The following PRPF4 variants were observed in gnomAD, a reference collection of about 807,000 sequenced individuals.
PRPF4 encodes the protein pre-mRNA splicing tri-snRNP complex factor PRPF4, also known as U4/U6 small nuclear ribonucleoprotein Prp4.
In PRPF4, 14 loss-of-function variants were observed where a neutral mutation model predicts 72.2. The observed-to-expected ratio is 0.19, with a 90% CI of 0.13 to 0.30. PRPF4 has a LOEUF of 0.30. Among genes scored for constraint, PRPF4 ranks in the 10% least tolerant of loss-of-function variants. PRPF4 has a pLI of 1.00. For synonymous variants in PRPF4, 225 were observed against 232.2 expected (o/e 0.97, Z 0.28); for missense variants, 478 against 653.9 (o/e 0.73, Z 2.93).
chr9:113,277,161 C>G (rs1014754314), intron 2 of PRPF4, among the ~76,000 whole-genome samples: 6 of 151,966 alleles, frequency 3.9e-5, no homozygotes, highest in African/African-American at 1.5e-4. Context: ...TTTGCCTACC[C>G]CCTTATTATC....
intron 13 of PRPF4, 131 bp from the exon 14 acceptor site, chr9:113,291,336 G>A: frequency 1.1e-6 from 1 of 908,842 alleles, no homozygotes; most frequent in Non-Finnish European, 1.6e-6. Flanking sequence ...AGACCTTACT[G>A]TTATTTGTTC....
chr9:113,276,784 C>T, intron 2 of PRPF4, 59 bp downstream of exon 2: 1 of 1,496,334 alleles, frequency 6.7e-7, no homozygotes, highest in Non-Finnish European at 9.0e-7. Flanking sequence ...CCTTTCTAAA[C>T]TTAAATACCA....
rs954719024 is a variant in PRPF4, at chr9:113,275,748, C to T, written c.5C>T (p.Ala2Val). MASSRASSTATK... is the reference protein window; with the variant it reads MVSSRASSTATK... ...CTCGCGGCTCCAGAGCCCAGCATGGCTTCCTCGCGAGCCTCTTCCACGGTA... is the reference window on the plus strand; with the variant it reads ...CTCGCGGCTCCAGAGCCCAGCATGGTTTCCTCGCGAGCCTCTTCCACGGTA... Residue 2 changes from alanine to valine, a missense_variant, in exon 1 of 14, where the codon GCT becomes GTT. Physicochemically the swap from Ala to Val is moderately conservative, Grantham distance 64. Transcript: ENST00000374198. 6.2e-7 allele frequency: 1 copy of T among 1,612,294 alleles called. No individual in the cohort carries two copies.
In PRPF4 at chr9:113,290,462, T is replaced by A; in HGVS notation, c.1023-4T>A. The stretch of plus-strand genomic sequence containing the variant: ...GGTTGATTGTTAGTGTGATTTGGTT[T>A]TAGCTATGACCGTTCATGGCGCTTA... On this transcript the variant is annotated splice_region_variant and splice_polypyrimidine_tract_variant and intron_variant, in intron 10 of 13. Transcript: ENST00000374198. The A allele has an allele frequency of 6.2e-7, 1 of 1,614,168 alleles. No individual in the cohort carries two copies. The highest frequency in any genetic ancestry group is 1.1e-5 in the South Asian group (1 of 91,076).
At chr9:113,281,826 G>A (rs922178038) in intron 3 of PRPF4, among the ~76,000 whole-genome samples, 13 of 151,994 alleles carry the variant, frequency 8.6e-5, no homozygotes, top group African/African-American at 1.7e-4. Flanking sequence ...TTAGATGCCC[G>A]TTACAAAGTC....
intron 2 of PRPF4, among the ~76,000 whole-genome samples, chr9:113,278,022 T>G (rs1326854210): frequency 6.6e-6 from 1 of 152,170 alleles, no homozygotes; most frequent in African/African-American, 2.4e-5. Flanking sequence ...AATGTATAAA[T>G]GTGTGAAGTA....
intron 10 of PRPF4, 80 bp from the exon 11 acceptor site, chr9:113,290,386 A>G (rs771361312): frequency 1.5e-4 from 235 of 1,587,296 alleles, no homozygotes; most frequent in African/African-American, 5.1e-4. Context: ...AACTTAAGCT[A>G]TAATGGCTTA....
chr9:113,285,929 AT>A (rs1278854116), intron 7 of PRPF4, among the ~76,000 whole-genome samples: 1 of 152,158 alleles, frequency 6.6e-6, no homozygotes, highest in Non-Finnish European at 1.5e-5. Context: ...CAGTATCACT[AT>A]TAATATTCGT....
chr9:113,283,545 A>T (rs1394803609), intron 6 of PRPF4, 63 bp downstream of exon 6: 88 of 1,562,626 alleles, frequency 5.6e-5, no homozygotes, highest in Non-Finnish European at 7.2e-5. Context: ...TGATTTTTCT[A>T]CTTTGGCTCA....
At chr9:113,282,386 C>T (rs1380628074) in intron 3 of PRPF4, among the ~76,000 whole-genome samples, 1 of 151,874 alleles carries the variant, frequency 6.6e-6, no homozygotes, top group African/African-American at 2.4e-5. Context: ...GTGGGAGGAT[C>T]GCTTGAGCTC....
intron 4 of PRPF4, 173 bp downstream of exon 4, chr9:113,282,906 A>G (rs1324068157): frequency 1.6e-5 from 16 of 1,008,400 alleles, no homozygotes; most frequent in Admixed American, 1.4e-4. Flanking sequence ...GTAAGTATGA[A>G]TGGAGCTAAG....
rs915994329 is a variant in PRPF4, at chr9:113,277,267, G to T, written c.205+542G>T. On this transcript the variant is annotated intron_variant, in intron 2 of 13. Transcript: ENST00000374198. ...TTCAGTGTACATTTGGATTCAGATT[G>T]ATTCCATTTGTCTTCTGGAGATCTA... 5.9e-5 allele frequency among the ~76,000 whole-genome samples: 9 copies of T among 152,140 alleles called. 1 individual carries two copies. Among genetic ancestry groups the T allele is most frequent in the African/African-American group, 1.9e-4 (8 of 41,402 alleles).
chr9:113,282,787 GTC>G, intron 4 of PRPF4, 54 bp downstream of exon 4: 1 of 1,390,638 alleles, frequency 7.2e-7, no homozygotes, highest in Non-Finnish European at 1.0e-6. Flanking sequence ...GAGGGGATAG[GTC>G]TCTCGTTTTC....
intron 7 of PRPF4, among the ~76,000 whole-genome samples, chr9:113,285,418 G>T (rs1007118947): frequency 2.4e-5 from 3 of 122,558 alleles, no homozygotes; most frequent in African/African-American, 9.2e-5. Context: ...TCACACTTTC[G>T]GCCAGGCTGG....
At chr9:113,276,822 T>G in intron 2 of PRPF4, 97 bp downstream of exon 2, 1 of 731,646 alleles carries the variant, frequency 1.4e-6, no homozygotes, top group Non-Finnish European at 1.9e-6. Context: ...AAAATTACAA[T>G]TTTTTTTTTT....
chr9:113,290,385 T>C, intron 10 of PRPF4, 81 bp from the exon 11 acceptor site: 2 of 1,581,904 alleles, frequency 1.3e-6, no homozygotes, highest in South Asian at 1.1e-5. Flanking sequence ...TAACTTAAGC[T>C]ATAATGGCTT....
At chr9:113,283,578 T>A in intron 6 of PRPF4, 96 bp downstream of exon 6, 3 of 1,216,942 alleles carry the variant, frequency 2.5e-6, no homozygotes, top group Non-Finnish European at 3.5e-6. Flanking sequence ...TAGAGGCAAC[T>A]AGAGTGATTC....
At chr9:113,285,949 ATAGTT>A (rs1464623557) in intron 7 of PRPF4, among the ~76,000 whole-genome samples, 8 of 152,142 alleles carry the variant, frequency 5.3e-5, no homozygotes, top group Non-Finnish European at 1.0e-4. Context: ...GTATTATTGG[ATAGTT>A]TAATTTGCCC....
chr9:113,285,431 T>G (rs1832410669), intron 7 of PRPF4, among the ~76,000 whole-genome samples: 1 of 128,492 alleles, frequency 7.8e-6, no homozygotes, highest in African/African-American at 2.9e-5. Context: ...CAGGCTGGAG[T>G]GCAGTGGCGC....
Sources: allele counts gnomAD v4.1 joint callset (sites outside exome capture counted in the v4.1 genomes callset), GRCh38; gene constraint gnomAD v4.1.1; transcripts MANE v1.5; gene names NCBI Gene and HGNC (gene_info 2026-07-23, HGNC 2026-07-21).